B3GALT1: variants seen among roughly 807,000 people sequenced by gnomAD.
B3GALT1 encodes the protein UDP-Gal:betaGlcNAc beta 1,3-galactosyltransferase, polypeptide 1.
A neutral mutation model predicts 23.2 loss-of-function variants in B3GALT1; 10 were observed. That is an observed-to-expected ratio of 0.43 (90% CI 0.27 to 0.73). The LOEUF (loss-of-function observed/expected upper bound fraction) is 0.73, where lower values mean the gene tolerates loss of function less well. B3GALT1 is among the 30% of genes least tolerant of loss of function. The probability of loss-of-function intolerance (pLI) is 0.21; values close to 1 mark genes in which losing one functional copy is unlikely to be tolerated. For synonymous variants in B3GALT1, 156 were observed against 141.5 expected, an observed-to-expected ratio of 1.10 and a Z score of -0.73; for missense variants, 299 against 405.4, an observed-to-expected ratio of 0.74 and a Z score of 2.25.
chr2:167,713,490 TG>T (rs1274985841), intron 3 of B3GALT1, among the ~76,000 whole-genome samples: 1 of 152,358 alleles, frequency 6.6e-6, no homozygotes, highest in East Asian at 1.9e-4. Flanking sequence ...ATTTTGTTTT[TG>T]TTTTTTTCAT....
At chr2:167,421,683 A>T (rs767035226) in intron 1 of B3GALT1, among the ~76,000 whole-genome samples, 4 of 152,210 alleles carry the variant, frequency 2.6e-5, no homozygotes, top group Non-Finnish European at 5.9e-5. Context: ...AATGAATCTA[A>T]GTGCACCCAC....
At chr2:167,367,157 A>G (rs1017790836) in intron 1 of B3GALT1, among the ~76,000 whole-genome samples, 1 of 152,182 alleles carries the variant, frequency 6.6e-6, no homozygotes, top group Non-Finnish European at 1.5e-5. Flanking sequence ...CATTTTTTGG[A>G]AGATTTCCAA....
rs1481959586 is a variant in B3GALT1 at position 167,640,659 on chromosome 2, A to T, written c.-409-6250A>T. Reference sequence around the variant, plus strand: ...CCATAGCCTTGTTTATTTTACACTGAATAGTATTATTAAAAACATTGAATT... The same window carrying T: ...CCATAGCCTTGTTTATTTTACACTGTATAGTATTATTAAAAACATTGAATT... On this transcript the variant is annotated intron_variant, in intron 2 of 4. Transcript: ENST00000392690. 2.6e-5 allele frequency among the ~76,000 whole-genome samples: 4 copies of T among 152,230 alleles called. No homozygotes were observed. The South Asian group carries it at 8.3e-4, about 32-fold the overall frequency.
At chr2:167,612,945 G>T (rs1685095029) in intron 2 of B3GALT1, among the ~76,000 whole-genome samples, 1 of 152,084 alleles carries the variant, frequency 6.6e-6, no homozygotes, top group East Asian at 1.9e-4. Flanking sequence ...GCTAAGTTGT[G>T]TTATTGGAAG....
intron 2 of B3GALT1, among the ~76,000 whole-genome samples, chr2:167,614,864 G>A (rs1444603039): frequency 1.3e-5 from 2 of 151,924 alleles, no homozygotes; most frequent in Non-Finnish European, 2.9e-5. Context: ...ATAGATAGAT[G>A]GATGGATAGG....
intron 3 of B3GALT1, among the ~76,000 whole-genome samples, chr2:167,739,620 C>G (rs1326034045): frequency 6.6e-6 from 1 of 152,042 alleles, no homozygotes; most frequent in African/African-American, 2.4e-5. Context: ...CTCCATAGTG[C>G]TTTTCTCTAC....
rs953709962 is a variant in B3GALT1, at chr2:167,308,605, A to C, written c.-511+15271A>C. On this transcript the variant is annotated intron_variant, in intron 1 of 4. Coordinates refer to ENST00000392690, the MANE Select transcript of B3GALT1 (RefSeq NM_020981.4). Reference sequence around the variant, plus strand: ...GAAATGAAGAGATTTGGCTACTACTATCTAATGTTTTTTTTGAAGGGTATA... The same window carrying C: ...GAAATGAAGAGATTTGGCTACTACTCTCTAATGTTTTTTTTGAAGGGTATA... Among the ~76,000 whole-genome samples the C allele has an allele frequency of 2.0e-5, 3 of 152,032 alleles. No individual in the cohort carries two copies. The East Asian group carries it at 5.8e-4, about 29-fold the overall frequency.
At chr2:167,346,744 G>A (rs1559071361) in intron 1 of B3GALT1, among the ~76,000 whole-genome samples, 4 of 35,928 alleles carry the variant, frequency 1.1e-4, no homozygotes, top group African/African-American at 2.4e-4. Flanking sequence ...TTGTGTGTGT[G>A]TGGGGGGGGG....
intron 1 of B3GALT1, among the ~76,000 whole-genome samples, chr2:167,367,770 T>G (rs1697612823): frequency 6.6e-6 from 1 of 152,164 alleles, no homozygotes; most frequent in Admixed American, 6.5e-5. Flanking sequence ...CACCCTCTTC[T>G]CCCCTGAGCA....
chr2:167,564,633 G>A lies in B3GALT1; in HGVS notation c.-410+74356G>A, dbSNP rs547858876. 2.0e-4 allele frequency among the ~76,000 whole-genome samples: 31 copies of A among 152,240 alleles called. 1 individual carries two copies. Among genetic ancestry groups the A allele is most frequent in the African/African-American group, 4.1e-4 (17 of 41,560 alleles). ...CCCGGCACCTCGGGAGGCCGAGGCC[G>A]GCGGATCACTCGTGGCTAGGAGCTG... On this transcript the variant is annotated intron_variant, in intron 2 of 4. Coordinates refer to ENST00000392690, the MANE Select transcript of B3GALT1 (RefSeq NM_020981.4).
At chr2:167,301,079 C>T (rs2105479573) in intron 1 of B3GALT1, among the ~76,000 whole-genome samples, 1 of 152,240 alleles carries the variant, frequency 6.6e-6, no homozygotes. Flanking sequence ...GCACAGTAAG[C>T]ATTATCATTG....
At chr2:167,705,525 T>C (rs1686954398) in intron 3 of B3GALT1, among the ~76,000 whole-genome samples, 1 of 152,170 alleles carries the variant, frequency 6.6e-6, no homozygotes, top group South Asian at 2.1e-4. Flanking sequence ...GAAAACAAGA[T>C]AATTGGCATA....
chr2:167,507,047 T>C (rs538966632), intron 2 of B3GALT1, among the ~76,000 whole-genome samples: 1 of 152,310 alleles, frequency 6.6e-6, no homozygotes, highest in South Asian at 2.1e-4. Context: ...TAGTGTGTTT[T>C]GTCAAGACTA....
chr2:167,545,045 TTTTTTTTTTG>T (rs1391479828), intron 2 of B3GALT1, among the ~76,000 whole-genome samples: 1 of 130,406 alleles, frequency 7.7e-6, no homozygotes, highest in Non-Finnish European at 1.6e-5. Context: ...TTTTTTTTTT[TTTTTTTTTTG>T]AGACAGTCTC....
chr2:167,724,111 A>G (rs1394482824), intron 3 of B3GALT1, among the ~76,000 whole-genome samples: 1 of 152,220 alleles, frequency 6.6e-6, no homozygotes, highest in Non-Finnish European at 1.5e-5. Context: ...CATTTATGTT[A>G]AATTTGTCTT....
At chr2:167,610,498 CAT>C (rs1685040965) in intron 2 of B3GALT1, among the ~76,000 whole-genome samples, 1 of 152,076 alleles carries the variant, frequency 6.6e-6, no homozygotes, top group African/African-American at 2.4e-5. Flanking sequence ...GCTATCCAAA[CAT>C]GTCAGTACAG....
intron 1 of B3GALT1, among the ~76,000 whole-genome samples, chr2:167,347,451 G>A (rs973264293): frequency 6.6e-6 from 1 of 152,178 alleles, no homozygotes; most frequent in Non-Finnish European, 1.5e-5. Flanking sequence ...GGGCTTGTGA[G>A]AGATTCCAAT....
At chr2:167,355,054 C>G (rs1234395316) in intron 1 of B3GALT1, among the ~76,000 whole-genome samples, 1 of 152,130 alleles carries the variant, frequency 6.6e-6, no homozygotes, top group African/African-American at 2.4e-5. Context: ...GTTGTCTCCT[C>G]CATGAATGCA....
intron 1 of B3GALT1, among the ~76,000 whole-genome samples, chr2:167,405,610 T>C (rs968720917): frequency 6.6e-6 from 1 of 152,122 alleles, no homozygotes; most frequent in African/African-American, 2.4e-5. Context: ...CTTTGTTACA[T>C]GTTCAGACAA....
Sources: allele counts gnomAD v4.1 joint callset (sites outside exome capture counted in the v4.1 genomes callset), GRCh38; gene constraint gnomAD v4.1.1; transcripts MANE v1.5; gene names NCBI Gene and HGNC (gene_info 2026-07-23, HGNC 2026-07-21).